The following KCNB2 variants were observed in gnomAD, a reference collection of about 807,000 sequenced individuals.
KCNB2 encodes delayed rectifier potassium channel protein.
In KCNB2, 15 loss-of-function variants were observed where a neutral mutation model predicts 61.5. The ratio of observed to expected loss-of-function variants is 0.24; its 90% CI spans 0.16 to 0.38. KCNB2 has a LOEUF of 0.38. Among genes scored for constraint, KCNB2 ranks in the 10% least tolerant of loss-of-function variants. The probability of loss-of-function intolerance (pLI) is 1.00; values close to 1 mark genes in which losing one functional copy is unlikely to be tolerated. For synonymous variants in KCNB2, 457 were observed against 446.0 expected (o/e 1.02, Z -0.31); for missense variants, 828 against 1,125.2 (o/e 0.74, Z 3.78).
chr8:72,792,533 G>A (rs553333391), intron 2 of KCNB2, among the ~76,000 whole-genome samples: 2 of 152,224 alleles, frequency 1.3e-5, no homozygotes, highest in Middle Eastern at 3.4e-3. Context: ...TGTATTGACC[G>A]TCAGTGGCAT....
chr8:72,676,088 A>G (rs566863469), intron 2 of KCNB2, among the ~76,000 whole-genome samples: 1 of 152,308 alleles, frequency 6.6e-6, no homozygotes, highest in African/African-American at 2.4e-5. Flanking sequence ...TGTTCATATT[A>G]TATATCTCCT....
chr8:72,764,672 C>T (rs1808434713), intron 2 of KCNB2, among the ~76,000 whole-genome samples: 1 of 152,124 alleles, frequency 6.6e-6, no homozygotes, highest in Non-Finnish European at 1.5e-5. Flanking sequence ...ATTCCATTTG[C>T]CTATGTTCTT....
In KCNB2 at chr8:72,557,477, T is replaced by G. The variant is rs144401369; in HGVS notation, c.-93-10165T>G. Among the ~76,000 whole-genome samples, 1,244 of 152,320 alleles carry G rather than the reference T, an allele frequency of 8.2e-3. 15 individuals carry two copies. Among genetic ancestry groups the G allele is most frequent in the African/African-American group, 0.028 (1,147 of 41,552 alleles). On this transcript the variant is annotated intron_variant, in intron 1 of 2. Transcript: ENST00000523207. Reference sequence around the variant, plus strand: ...ACCCTCACCAGACATGAAATATCTTTCCTAGGACATGAAATATCTTTCCTA... The same window carrying G: ...ACCCTCACCAGACATGAAATATCTTGCCTAGGACATGAAATATCTTTCCTA...
intron 2 of KCNB2, among the ~76,000 whole-genome samples, chr8:72,728,627 A>G (rs1049596807): frequency 6.6e-6 from 1 of 152,194 alleles, no homozygotes; most frequent in African/African-American, 2.4e-5. Context: ...TACATACTAT[A>G]ATGGAGGTAT....
chr8:72,934,095 A>G (rs898826387), intron 2 of KCNB2, among the ~76,000 whole-genome samples: 1 of 152,142 alleles, frequency 6.6e-6, no homozygotes, highest in Admixed American at 6.6e-5. Context: ...GAAGAAAACA[A>G]TGAAAGATAT....
At chr8:72,863,215 A>G (rs1464348456) in intron 2 of KCNB2, among the ~76,000 whole-genome samples, 1 of 152,076 alleles carries the variant, frequency 6.6e-6, no homozygotes, top group African/African-American at 2.4e-5. Flanking sequence ...TGTAAACAGC[A>G]CTCCTACAGG....
intron 2 of KCNB2, among the ~76,000 whole-genome samples, chr8:72,898,852 T>C (rs1282118824): frequency 6.6e-6 from 1 of 152,148 alleles, no homozygotes; most frequent in Non-Finnish European, 1.5e-5. Context: ...TTTATGTCCA[T>C]GGTACCCAAT....
At chr8:72,784,746 A>G (rs946941366) in intron 2 of KCNB2, among the ~76,000 whole-genome samples, 1 of 152,206 alleles carries the variant, frequency 6.6e-6, no homozygotes, top group Admixed American at 6.5e-5. Context: ...TTTGGACTAC[A>G]ATTCAATATG....
At chr8:72,840,359 T>C (rs1465814436) in intron 2 of KCNB2, among the ~76,000 whole-genome samples, 2 of 152,220 alleles carry the variant, frequency 1.3e-5, no homozygotes, top group Non-Finnish European at 2.9e-5. Context: ...TGAATAGTGC[T>C]GCAATAAACA....
At chr8:72,561,723 A>ATATATATATATGTG (rs1806522956) in intron 1 of KCNB2, among the ~76,000 whole-genome samples, 1 of 31,800 alleles carries the variant, frequency 3.1e-5, no homozygotes. Context: ...ATATATATAT[A>ATATATATATATGTG]TATATCTATA....
intron 1 of KCNB2, among the ~76,000 whole-genome samples, chr8:72,544,964 A>G (rs1225900938): frequency 1.3e-5 from 2 of 152,192 alleles, no homozygotes; most frequent in Non-Finnish European, 2.9e-5. Flanking sequence ...CAGTATGCAA[A>G]GAGGGCTGGA....
chr8:72,787,043 C>G (rs953985501), intron 2 of KCNB2, among the ~76,000 whole-genome samples: 2 of 152,146 alleles, frequency 1.3e-5, no homozygotes, highest in African/African-American at 4.8e-5. Flanking sequence ...AAGTACTCAT[C>G]ATTTTTGCCT....
chr8:72,640,557 T>G (rs2128985652), intron 2 of KCNB2, among the ~76,000 whole-genome samples: 1 of 152,228 alleles, frequency 6.6e-6, no homozygotes, highest in South Asian at 2.1e-4. Flanking sequence ...AGTCCAGTGC[T>G]GCTGGAAACA....
At chr8:72,735,434 C>G (rs921136800) in intron 2 of KCNB2, among the ~76,000 whole-genome samples, 2 of 152,152 alleles carry the variant, frequency 1.3e-5, no homozygotes, top group Admixed American at 1.3e-4. Context: ...GTACATCACC[C>G]TTGATACTCA....
intron 2 of KCNB2, among the ~76,000 whole-genome samples, chr8:72,612,740 AAT>A (rs1805560558): frequency 6.6e-6 from 1 of 152,126 alleles, no homozygotes; most frequent in African/African-American, 2.4e-5. Flanking sequence ...TGGATGAAAT[AAT>A]TGATTTTTCC....
At chr8:72,726,170 A>G (rs1807646307) in intron 2 of KCNB2, among the ~76,000 whole-genome samples, 1 of 152,194 alleles carries the variant, frequency 6.6e-6, no homozygotes, top group Non-Finnish European at 1.5e-5. Context: ...TGATGGGGTT[A>G]GTCCCCTTGT....
intron 2 of KCNB2, among the ~76,000 whole-genome samples, chr8:72,833,190 T>C (rs1809726896): frequency 6.6e-6 from 1 of 152,046 alleles, no homozygotes; most frequent in Non-Finnish European, 1.5e-5. Flanking sequence ...AAAGGAGAGA[T>C]CAAGCAAGTA....
At chr8:72,831,292 T>C (rs370333975) in intron 2 of KCNB2, among the ~76,000 whole-genome samples, 10 of 152,354 alleles carry the variant, frequency 6.6e-5, no homozygotes, top group Admixed American at 2.0e-4. Flanking sequence ...ATATTACATC[T>C]GCCAATAAAA....
rs1808308069 is a variant in KCNB2, at chr8:72,757,416, G to C, written c.580-178519G>C. On this transcript the variant is annotated intron_variant, in intron 2 of 2. Coordinates refer to ENST00000523207, the MANE Select transcript of KCNB2 (RefSeq NM_004770.3). ...CTGTGAATGGAAAGAGAGATGCTCA[G>C]TGGTACCTGGAGGAAAAGGCAGAAT... Among the ~76,000 whole-genome samples the C allele has an allele frequency of 2.0e-5, 3 of 152,190 alleles. No individual in the cohort carries two copies. In the South Asian group the frequency reaches 6.2e-4, roughly 32 times the overall value.
Sources: gnomAD v4.1 joint callset for allele counts (sites outside exome capture counted in the v4.1 genomes callset) on GRCh38, gnomAD v4.1.1 for gene constraint, MANE v1.5 for transcripts, NCBI Gene and HGNC (gene_info 2026-07-23, HGNC 2026-07-21) for gene names.